Variants in RBPMS observed in about 807,000 individuals in gnomAD.
RBPMS encodes RNA binding protein, mRNA processing factor.
In RBPMS, 7 loss-of-function variants were observed where a neutral mutation model predicts 26.8. The observed-to-expected ratio is 0.26, with a 90% CI of 0.15 to 0.49. The LOEUF is 0.49. Among genes scored for constraint, RBPMS ranks in the 20% least tolerant of loss-of-function variants. The pLI, the probability that RBPMS is intolerant of heterozygous loss-of-function variation, is 0.98. For synonymous variants in RBPMS, 96 were observed against 93.3 expected (o/e 1.03, Z -0.17); for missense variants, 186 against 250.0 (o/e 0.74, Z 1.73).
At chr8:30,501,963 A>G (rs910087179) in intron 4 of RBPMS, among the ~76,000 whole-genome samples, 1 of 151,770 alleles carries the variant, frequency 6.6e-6, no homozygotes, top group Non-Finnish European at 1.5e-5. Flanking sequence ...ATCATCCCTT[A>G]ACATTTAAAA....
At chr8:30,537,843 C>G (rs1219931374) in intron 5 of RBPMS, 3 of 314,414 alleles carry the variant, frequency 9.5e-6, no homozygotes, top group Non-Finnish European at 1.9e-5. Context: ...TCTTTGTCAT[C>G]TTTATTGTTA....
intron 5 of RBPMS, among the ~76,000 whole-genome samples, chr8:30,527,178 C>G (rs1823680984): frequency 1.3e-5 from 2 of 152,170 alleles, no homozygotes; most frequent in Non-Finnish European, 2.9e-5. Context: ...CACTTTCTGG[C>G]AAAACCTTGA....
chr8:30,445,941 A>G (rs761076327), intron 1 of RBPMS, among the ~76,000 whole-genome samples: 18 of 152,286 alleles, frequency 1.2e-4, no homozygotes, highest in Non-Finnish European at 2.4e-4. Context: ...CTGGGATTAT[A>G]GGCATGAGCC....
At chr8:30,484,430 C>T (rs926505736) in intron 4 of RBPMS, among the ~76,000 whole-genome samples, 3 of 152,112 alleles carry the variant, frequency 2.0e-5, no homozygotes, top group Non-Finnish European at 2.9e-5. Flanking sequence ...AAAAACTCAA[C>T]CCTCATATTA....
At chr8:30,515,570 T>G (rs1329273009) in intron 5 of RBPMS, among the ~76,000 whole-genome samples, 1 of 152,206 alleles carries the variant, frequency 6.6e-6, no homozygotes, top group African/African-American at 2.4e-5. Context: ...CTAAAGAGAT[T>G]TGCAAATATG....
intron 6 of RBPMS, among the ~76,000 whole-genome samples, chr8:30,554,047 A>T (rs1190525039): frequency 2.0e-5 from 3 of 152,206 alleles, no homozygotes; most frequent in Non-Finnish European, 4.4e-5. Context: ...AAGTGCTGGG[A>T]TTACAGGCAT....
intron 1 of RBPMS, among the ~76,000 whole-genome samples, chr8:30,409,313 C>T (rs1809015367): frequency 6.6e-6 from 1 of 152,032 alleles, no homozygotes. Flanking sequence ...ACTGCCTCAG[C>T]CTCCCAAGTA....
At chr8:30,443,344 A>G (rs1215089980) in intron 1 of RBPMS, among the ~76,000 whole-genome samples, 2 of 152,218 alleles carry the variant, frequency 1.3e-5, no homozygotes, top group East Asian at 1.9e-4. Context: ...TTTAATATGC[A>G]TGATGTAAAA....
chr8:30,471,602 A>C (rs1275640652), intron 1 of RBPMS, among the ~76,000 whole-genome samples: 1 of 152,174 alleles, frequency 6.6e-6, no homozygotes, highest in East Asian at 1.9e-4. Context: ...GGCACTTCCC[A>C]AAATCTGAAT....
intron 1 of RBPMS, among the ~76,000 whole-genome samples, chr8:30,439,388 G>A (rs1037881512): frequency 6.6e-6 from 1 of 152,170 alleles, no homozygotes; most frequent in Non-Finnish European, 1.5e-5. Context: ...AAGTACAAAA[G>A]TAATTTTGTT....
intron 6 of RBPMS, among the ~76,000 whole-genome samples, chr8:30,554,708 G>A (rs557042819): frequency 7.2e-5 from 11 of 152,270 alleles, no homozygotes; most frequent in South Asian, 4.1e-4. Context: ...AGGTGATGCC[G>A]TTGGTCCAGG....
intron 4 of RBPMS, among the ~76,000 whole-genome samples, chr8:30,487,456 G>C (rs898719722): frequency 6.6e-6 from 1 of 152,084 alleles, no homozygotes; most frequent in African/African-American, 2.4e-5. Flanking sequence ...GACTGAATAA[G>C]GTGTTTTGAT....
intron 5 of RBPMS, among the ~76,000 whole-genome samples, chr8:30,524,492 T>G (rs902773383): frequency 6.6e-6 from 1 of 152,174 alleles, no homozygotes; most frequent in Non-Finnish European, 1.5e-5. Flanking sequence ...GGTCTATATA[T>G]GTAAATTTTG....
At chr8:30,505,865 AAG>A (rs1423058162) in intron 5 of RBPMS, among the ~76,000 whole-genome samples, 2 of 152,226 alleles carry the variant, frequency 1.3e-5, no homozygotes, top group African/African-American at 4.8e-5. Context: ...GGCATCAAAA[AAG>A]AGTATTTTTA....
intron 8 of RBPMS, among the ~76,000 whole-genome samples, chr8:30,570,317 C>T (rs140055328): frequency 1.9e-4 from 29 of 152,308 alleles, no homozygotes; most frequent in African/African-American, 6.3e-4. Flanking sequence ...ACCTTTTCTA[C>T]AACTTCTCAA....
chr8:30,568,442 T>C, intron 8 of RBPMS, among the ~76,000 whole-genome samples: 1 of 152,170 alleles, frequency 6.6e-6, no homozygotes, highest in East Asian at 1.9e-4. Flanking sequence ...CCCAGGCCCA[T>C]CTGTCCCCAC....
chr8:30,448,413 A>G (rs1419456911), intron 1 of RBPMS, among the ~76,000 whole-genome samples: 1 of 152,204 alleles, frequency 6.6e-6, no homozygotes, highest in African/African-American at 2.4e-5. Context: ...ATTGGCTTCA[A>G]GATGAGCTGT....
At chr8:30,567,363 A>G (rs2151097067) in intron 8 of RBPMS, among the ~76,000 whole-genome samples, 1 of 152,280 alleles carries the variant, frequency 6.6e-6, no homozygotes, top group Non-Finnish European at 1.5e-5. Flanking sequence ...GCTTTCCCAC[A>G]GGAAGCCGGA....
chr8:30,518,145 C>T (rs1023872930), intron 5 of RBPMS, among the ~76,000 whole-genome samples: 1 of 152,210 alleles, frequency 6.6e-6, no homozygotes, highest in African/African-American at 2.4e-5. Flanking sequence ...AATAGGCAAA[C>T]TCTGATAAAG....
Sources: gnomAD v4.1 joint callset for allele counts (sites outside exome capture counted in the v4.1 genomes callset) on GRCh38, gnomAD v4.1.1 for gene constraint, MANE v1.5 for transcripts, NCBI Gene and HGNC (gene_info 2026-07-23, HGNC 2026-07-21) for gene names.